SLCO5A1: variants seen among roughly 807,000 people sequenced by gnomAD.
The protein encoded by SLCO5A1 is solute carrier organic anion transporter family member 5A1.
A neutral mutation model predicts 65.1 loss-of-function variants in SLCO5A1; 39 were observed. The ratio of observed to expected loss-of-function variants is 0.60; its 90% CI spans 0.46 to 0.78. SLCO5A1 has a LOEUF of 0.78. Ranked by LOEUF, SLCO5A1 falls within the 30% of genes least tolerant of loss-of-function variation. The pLI is 0.00. For missense variants in SLCO5A1, 1,029 were observed against 1,069.4 expected (o/e 0.96, Z 0.53); for synonymous variants, 438 against 415.7 (o/e 1.05, Z -0.65).
intron 2 of SLCO5A1, among the ~76,000 whole-genome samples, chr8:69,827,941 G>A (rs1436922938): frequency 1.3e-5 from 2 of 152,096 alleles, no homozygotes; most frequent in Non-Finnish European, 2.9e-5. Flanking sequence ...TCTGTTGAAC[G>A]TGGCACATCC....
intron 2 of SLCO5A1, among the ~76,000 whole-genome samples, chr8:69,780,960 T>G (rs928507335): frequency 6.6e-6 from 1 of 152,224 alleles, no homozygotes; most frequent in Non-Finnish European, 1.5e-5. Flanking sequence ...ATTATTAGAT[T>G]TCCTTTTCCA....
At chr8:69,788,101 A>G (rs985459861) in intron 2 of SLCO5A1, among the ~76,000 whole-genome samples, 1 of 152,206 alleles carries the variant, frequency 6.6e-6, no homozygotes, top group African/African-American at 2.4e-5. Context: ...ATTTAAAAGA[A>G]AAAAATCACA....
chr8:69,747,424 A>G (rs902484403), intron 4 of SLCO5A1, among the ~76,000 whole-genome samples: 1 of 150,198 alleles, frequency 6.7e-6, no homozygotes, highest in Non-Finnish European at 1.5e-5. Context: ...AAATACTCAG[A>G]AAAAAAAAAT....
At chr8:69,793,653 C>A (rs1819364321) in intron 2 of SLCO5A1, among the ~76,000 whole-genome samples, 1 of 151,888 alleles carries the variant, frequency 6.6e-6, no homozygotes, top group South Asian at 2.1e-4. Flanking sequence ...TGGCTCGCAC[C>A]CATAATCCCA....
intron 2 of SLCO5A1, among the ~76,000 whole-genome samples, chr8:69,824,262 G>C (rs900421576): frequency 1.1e-4 from 16 of 152,026 alleles, no homozygotes; most frequent in South Asian, 2.1e-4. Context: ...CAGAAGGCAA[G>C]AAATAACTAA....
At chr8:69,809,313 T>C (rs1208555950) in intron 2 of SLCO5A1, among the ~76,000 whole-genome samples, 1 of 152,210 alleles carries the variant, frequency 6.6e-6, no homozygotes, top group East Asian at 1.9e-4. Flanking sequence ...ATAATCAACA[T>C]GTATTTTTAG....
rs560861402 is a variant in SLCO5A1 at position 69,701,755 on chromosome 8, G to A, written c.1622+3276C>T. 5.3e-5 allele frequency among the ~76,000 whole-genome samples: 8 copies of A among 152,188 alleles called. No homozygotes were observed. In the South Asian group the frequency reaches 1.7e-3, roughly 32 times the overall value. ...AATGTATAAAACCAAGCTGCACCCC[G>A]ACCACCTTGGGCACATGTTCTCAGG... On this transcript the variant is annotated intron_variant, in intron 6 of 9. Coordinates refer to ENST00000260126, the MANE Select transcript of SLCO5A1 (RefSeq NM_030958.3).
intron 3 of SLCO5A1, among the ~76,000 whole-genome samples, chr8:69,758,604 G>A (rs1479477150): frequency 6.6e-6 from 1 of 152,102 alleles, no homozygotes; most frequent in African/African-American, 2.4e-5. Context: ...ATAACAGGAA[G>A]GGGAGAAATA....
At chr8:69,679,045 G>A (rs1385103600) in intron 8 of SLCO5A1, among the ~76,000 whole-genome samples, 1 of 152,194 alleles carries the variant, frequency 6.6e-6, no homozygotes, top group African/African-American at 2.4e-5. Flanking sequence ...GCTTCTCACA[G>A]CTGACAGAGT....
At chr8:69,678,291 GC>G (rs1813630257) in intron 8 of SLCO5A1, among the ~76,000 whole-genome samples, 1 of 151,916 alleles carries the variant, frequency 6.6e-6, no homozygotes, top group Admixed American at 6.6e-5. Context: ...AACTCCCTAG[GC>G]CTCCATAAAC....
At chr8:69,735,449 G>T (rs923856635) in intron 5 of SLCO5A1, among the ~76,000 whole-genome samples, 6 of 152,196 alleles carry the variant, frequency 3.9e-5, no homozygotes, top group African/African-American at 1.4e-4. Context: ...ACTGGGTAAA[G>T]AAAATGTGGT....
At position 69,810,966 on chromosome 8, in the gene SLCO5A1, G is replaced by A. The variant is rs59044831; in HGVS notation, c.907+20801C>T. Reference sequence around the variant, plus strand: ...CCACGAACACAGACTGTGCCTCTATGAGAGAAGTTAGGCAAAAAGGCCCAT... The same window carrying A: ...CCACGAACACAGACTGTGCCTCTATAAGAGAAGTTAGGCAAAAAGGCCCAT... On this transcript the variant is annotated intron_variant, in intron 2 of 9. Coordinates refer to ENST00000260126, the MANE Select transcript of SLCO5A1 (RefSeq NM_030958.3). Among the ~76,000 whole-genome samples, 478 of 152,258 alleles carry A rather than the reference G, an allele frequency of 3.1e-3. 2 individuals are homozygous for A. The highest frequency in any genetic ancestry group is 0.011 in the African/African-American group (460 of 41,546).
chr8:69,684,549 C>G, intron 6 of SLCO5A1, among the ~76,000 whole-genome samples: 1 of 152,158 alleles, frequency 6.6e-6, no homozygotes, highest in East Asian at 1.9e-4. Flanking sequence ...GCAAATGGCC[C>G]AAAAGTTACC....
intron 2 of SLCO5A1, among the ~76,000 whole-genome samples, chr8:69,813,412 A>G (rs1820287155): frequency 6.6e-6 from 1 of 152,134 alleles, no homozygotes; most frequent in African/African-American, 2.4e-5. Flanking sequence ...TATGCTCTTT[A>G]TTTTTAAGCA....
At chr8:69,732,110 C>T (rs949115049) in intron 5 of SLCO5A1, among the ~76,000 whole-genome samples, 2 of 152,154 alleles carry the variant, frequency 1.3e-5, no homozygotes, top group African/African-American at 4.8e-5. Context: ...AAGTGATTCC[C>T]AAAGGCTGCA....
chr8:69,797,648 G>A (rs916220346), intron 2 of SLCO5A1, among the ~76,000 whole-genome samples: 10 of 152,126 alleles, frequency 6.6e-5, no homozygotes, highest in Admixed American at 5.9e-4. Flanking sequence ...GTCTTTTATG[G>A]TCGAAGCTGT....
intron 2 of SLCO5A1, among the ~76,000 whole-genome samples, chr8:69,827,000 A>T (rs2130926171): frequency 6.6e-6 from 1 of 152,190 alleles, no homozygotes; most frequent in East Asian, 1.9e-4. Context: ...CTTTGTAGGG[A>T]CATGGATGAA....
chr8:69,700,578 A>T (rs897527800), intron 6 of SLCO5A1: 1 of 152,200 alleles, frequency 6.6e-6, no homozygotes, highest in Non-Finnish European at 1.5e-5. Flanking sequence ...GCAAAAAATC[A>T]AAATGATCCA....
intron 5 of SLCO5A1, among the ~76,000 whole-genome samples, chr8:69,710,210 C>A (rs1297699127): frequency 6.6e-6 from 1 of 151,818 alleles, no homozygotes; most frequent in Non-Finnish European, 1.5e-5. Flanking sequence ...GTAGAGATGG[C>A]GTTTCACCAT....
Sources: gnomAD v4.1 joint callset for allele counts (sites outside exome capture counted in the v4.1 genomes callset) on GRCh38, gnomAD v4.1.1 for gene constraint, MANE v1.5 for transcripts, NCBI Gene and HGNC (gene_info 2026-07-23, HGNC 2026-07-21) for gene names.